Variants in RNF220 observed in about 807,000 individuals in gnomAD.
RNF220 encodes the protein E3 ubiquitin-protein ligase RNF220.
A neutral mutation model predicts 67.1 loss-of-function variants in RNF220; 7 were observed. The observed-to-expected ratio is 0.10, with a 90% CI of 0.06 to 0.20. The LOEUF (loss-of-function observed/expected upper bound fraction) is 0.20, where lower values mean the gene tolerates loss of function less well. Ranked by LOEUF, RNF220 falls within the 10% of genes least tolerant of loss-of-function variation. The probability of loss-of-function intolerance (pLI) is 1.00; values close to 1 mark genes in which losing one functional copy is unlikely to be tolerated. For missense variants in RNF220, 565 were observed against 740.3 expected (o/e 0.76, Z 2.75); for synonymous variants, 270 against 283.2 (o/e 0.95, Z 0.47).
chr1:44,590,842 A>G (rs985647085), intron 2 of RNF220, among the ~76,000 whole-genome samples: 6 of 152,222 alleles, frequency 3.9e-5, no homozygotes, highest in African/African-American at 1.2e-4. Context: ...AGGACACACA[A>G]TCTAGCCAGA....
At chr1:44,579,142 C>A (rs975859217) in intron 2 of RNF220, among the ~76,000 whole-genome samples, 2 of 149,842 alleles carry the variant, frequency 1.3e-5, no homozygotes, top group East Asian at 1.9e-4. Flanking sequence ...GGTGACAGAT[C>A]GAGACTCTGT....
At chr1:44,557,284 T>G (rs1663185731) in intron 2 of RNF220, among the ~76,000 whole-genome samples, 1 of 150,040 alleles carries the variant, frequency 6.7e-6, no homozygotes, top group African/African-American at 2.5e-5. Flanking sequence ...ACTTTGGGAG[T>G]CTGAGATGGG....
At chr1:44,455,450 C>G (rs1284753500) in intron 2 of RNF220, among the ~76,000 whole-genome samples, 2 of 152,132 alleles carry the variant, frequency 1.3e-5, no homozygotes, top group Non-Finnish European at 2.9e-5. Flanking sequence ...GTGAGACTTT[C>G]TAATAGTCTT....
At position 44,575,031 on chromosome 1, in the gene RNF220, C is replaced by T. The variant is rs192818105; in HGVS notation, c.626-39134C>T. ...GTACTGGAAACATTTCAAGTCCTCT[C>T]TTCTAACTATTTTGAAATATACATC... On this transcript the variant is annotated intron_variant, in intron 2 of 14. Coordinates refer to ENST00000361799, the MANE Select transcript of RNF220 (RefSeq NM_018150.4). 6.6e-4 allele frequency among the ~76,000 whole-genome samples: 100 copies of T among 152,350 alleles called. 1 individual carries two copies. In the East Asian group the frequency reaches 0.011, roughly 17 times the overall value.
At position 44,600,361 on chromosome 1, in the gene RNF220, T is replaced by A. The variant is rs1666838656; in HGVS notation, c.626-13804T>A. On this transcript the variant is annotated intron_variant, in intron 2 of 14. Coordinates refer to ENST00000361799, the MANE Select transcript of RNF220 (RefSeq NM_018150.4). The surrounding 1 kb of genome is among the most constrained non-coding windows in gnomAD (Gnocchi z 4.0). ...TGTGGAGAGAGGGAGAAGTGAATGA[T>A]GACAAGGGCAATAGCTAACATCAGA... is the stretch of plus-strand genomic sequence containing the variant. 1.3e-5 allele frequency among the ~76,000 whole-genome samples: 2 copies of A among 152,072 alleles called. No individual in the cohort carries two copies. Among genetic ancestry groups the A allele is most frequent in the Admixed American group, 1.3e-4 (2 of 15,268 alleles).
At chr1:44,616,625 TGCCAGTGGCA>T (rs1643558464) in intron 3 of RNF220, among the ~76,000 whole-genome samples, 1 of 151,462 alleles carries the variant, frequency 6.6e-6, no homozygotes, top group South Asian at 2.1e-4. Context: ...GGGATTGGCC[TGCCAGTGGCA>T]GAAAGTGGGA....
At position 44,650,402 on chromosome 1, in the gene RNF220, G is replaced by A. The variant is rs1255040806; in HGVS notation, c.1630-302G>A. The A allele has an allele frequency of 1.6e-5, 8 of 500,762 alleles. No individual in the cohort carries two copies. Among genetic ancestry groups the A allele is most frequent in the Non-Finnish European group, 2.2e-5 (6 of 274,886 alleles). The allele number at this position is 500,762 out of a possible 1,614,324, so 31.0% of individuals were successfully genotyped here. On this transcript the variant is annotated intron_variant, in intron 14 of 14. Transcript: ENST00000361799. This position sits in a 1 kb window ranked among gnomAD's most constrained non-coding sequence, Gnocchi z 4.3. ...TAAAAGGCTCGGACGTGGGCTCTGT[G>A]TCCTGATCAAAGGCCGCGTGTAATC...
At chr1:44,407,267 G>T (rs533556912) in intron 1 of RNF220, among the ~76,000 whole-genome samples, 1 of 152,310 alleles carries the variant, frequency 6.6e-6, no homozygotes, top group African/African-American at 2.4e-5. Flanking sequence ...CGGCTTGAGG[G>T]GCAAAGGGGA....
At position 44,445,578 on chromosome 1, in the gene RNF220, T is replaced by G. The variant is rs35245270; in HGVS notation, c.625+32856T>G. 5.5e-3 allele frequency among the ~76,000 whole-genome samples: 834 copies of G among 152,202 alleles called. 2 individuals are homozygous for G. The highest frequency in any genetic ancestry group is 8.1e-3 in the Non-Finnish European group (550 of 68,020). On this transcript the variant is annotated intron_variant, in intron 2 of 14. Coordinates refer to ENST00000361799, the MANE Select transcript of RNF220 (RefSeq NM_018150.4). ...TTGTTGCTCCTTAAACACATAAAATTGTTTTACACTTGCATTTGCCATGGT... is the reference window on the plus strand; with the variant it reads ...TTGTTGCTCCTTAAACACATAAAATGGTTTTACACTTGCATTTGCCATGGT...
At chr1:44,424,945 A>G (rs1649606589) in intron 2 of RNF220, among the ~76,000 whole-genome samples, 1 of 152,180 alleles carries the variant, frequency 6.6e-6, no homozygotes, top group African/African-American at 2.4e-5. Context: ...TTTGGTGTGT[A>G]TGCTTTGCCA....
chr1:44,639,305 C>T (rs1383225032), intron 8 of RNF220, among the ~76,000 whole-genome samples: 1 of 152,210 alleles, frequency 6.6e-6, no homozygotes, highest in Non-Finnish European at 1.5e-5. Context: ...AGTGGTGAAC[C>T]ATGGTCCCTC....
At chr1:44,508,677 A>G (rs970691929) in intron 2 of RNF220, among the ~76,000 whole-genome samples, 1 of 151,926 alleles carries the variant, frequency 6.6e-6, no homozygotes, top group Middle Eastern at 3.4e-3. Flanking sequence ...GACCTTCTCC[A>G]TTTTCCCTGA....
chr1:44,617,483 A>G (rs1643605866), intron 3 of RNF220, among the ~76,000 whole-genome samples: 1 of 152,268 alleles, frequency 6.6e-6, no homozygotes, highest in Non-Finnish European at 1.5e-5. Context: ...CTTGCCAATT[A>G]ACATTGTAAT....
intron 2 of RNF220, among the ~76,000 whole-genome samples, chr1:44,516,414 G>A (rs187346910): frequency 1.1e-3 from 170 of 152,302 alleles, no homozygotes; most frequent in Middle Eastern, 3.4e-3. Context: ...AGTTTGCTAC[G>A]CAGCCAAAGA....
intron 2 of RNF220, among the ~76,000 whole-genome samples, chr1:44,524,859 G>A (rs899438346): frequency 1.3e-5 from 2 of 152,168 alleles, no homozygotes; most frequent in African/African-American, 4.8e-5. Flanking sequence ...TATTTAAGAC[G>A]CTAAGAGCCC....
chr1:44,520,905 T>G (rs1447241780), intron 2 of RNF220, among the ~76,000 whole-genome samples: 1 of 152,156 alleles, frequency 6.6e-6, no homozygotes, highest in African/African-American at 2.4e-5. Flanking sequence ...TGTTTTTGTT[T>G]TTGTTTTTGA....
At chr1:44,520,126 TGTGA>T (rs766001266) in intron 2 of RNF220, among the ~76,000 whole-genome samples, 3,864 of 132,414 alleles carry the variant, frequency 0.029, 33 homozygotes, top group Non-Finnish European at 0.041. Context: ...TGTGTGTGTG[TGTGA>T]GAGAGAGAGA....
At chr1:44,433,807 A>G (rs1489721332) in intron 2 of RNF220, among the ~76,000 whole-genome samples, 2 of 152,096 alleles carry the variant, frequency 1.3e-5, no homozygotes, top group Admixed American at 1.3e-4. Flanking sequence ...TACTAAAAAT[A>G]CAAACATTAG....
intron 2 of RNF220, among the ~76,000 whole-genome samples, chr1:44,559,991 A>T (rs1663436318): frequency 6.6e-6 from 1 of 152,200 alleles, no homozygotes; most frequent in South Asian, 2.1e-4. Context: ...AGGAGGAGCC[A>T]CGGCTCCTTC....
Sources: gnomAD v4.1 joint callset for allele counts (sites outside exome capture counted in the v4.1 genomes callset) on GRCh38, gnomAD v4.1.1 for gene constraint, Gnocchi (gnomAD v3.1) non-coding constraint, MANE v1.5 for transcripts, NCBI Gene and HGNC (gene_info 2026-07-23, HGNC 2026-07-21) for gene names.